Variants in CYP2B6 observed in about 807,000 individuals in gnomAD.
CYP2B6 encodes the protein cytochrome P450 family 2 subfamily B member 6, also known as cytochrome P450 2B6.
A neutral mutation model predicts 43.4 loss-of-function variants in CYP2B6; 35 were observed. The observed-to-expected ratio is 0.81, with a 90% CI of 0.62 to 1.07. CYP2B6 has a LOEUF of 1.07. CYP2B6 is among the 50% of genes least tolerant of loss of function. The probability of loss-of-function intolerance (pLI) is 0.00; values close to 1 mark genes in which losing one functional copy is unlikely to be tolerated. For missense variants in CYP2B6, 624 were observed against 632.8 expected (o/e 0.99, Z 0.15); for synonymous variants, 239 against 239.2 (o/e 1.00, Z 0.01).
intron 1 of CYP2B6, among the ~76,000 whole-genome samples, chr19:41,002,892 T>C (rs920660381): frequency 4.6e-5 from 7 of 152,118 alleles, no homozygotes; most frequent in Admixed American, 4.6e-4. Flanking sequence ...CATTGACTCT[T>C]TTGTGCCTAG....
At chr19:41,010,166 T>C (rs1969258694) in intron 6 of CYP2B6, 31 bp downstream of exon 6, 1 of 1,611,274 alleles carries the variant, frequency 6.2e-7, no homozygotes, top group Non-Finnish European at 8.5e-7. Flanking sequence ...CAAGGGGGTC[T>C]TCTGACCTCC....
rs374007467 is a variant in CYP2B6 at position 40,998,643 on chromosome 19, A to T, written c.172-5358A>T. On this transcript the variant is annotated intron_variant, in intron 1 of 8. Transcript: ENST00000324071. ...CTGTGTCCATGTGATCTCATTGTTC[A>T]ATTCCCACCTATGAGTGAGAATATG... is the stretch of plus-strand genomic sequence containing the variant. Among the ~76,000 whole-genome samples the T allele has an allele frequency of 1.0e-3, 145 of 138,484 alleles. 2 individuals carry two copies. The East Asian group carries it at 0.021, about 20-fold the overall frequency. The allele number at this position is 138,484 out of a possible 152,430, so 90.9% of individuals were successfully genotyped here. A position where few individuals can be genotyped will look rare whatever the true frequency, so the allele number is the denominator to read the frequency against.
At position 41,017,523 on chromosome 19, in the gene CYP2B6, T is replaced by C. The variant is rs1269479524; in HGVS notation, c.*696T>C. ...CTCACTCTGTCACCCAGGTTCGAGT[T>C]CAGTGGTGCCATCTCTGTCCACTGC... On this transcript the variant is annotated 3_prime_UTR_variant, in exon 9 of 9. Transcript: ENST00000324071. 6.6e-6 allele frequency: 1 copy of C among 151,376 alleles called. No homozygotes were observed. The highest frequency in any genetic ancestry group is 1.5e-5 in the Non-Finnish European group (1 of 67,780). 9.4% of individuals were successfully genotyped at this position (151,376 alleles called of 1,614,324 possible). A position where few individuals can be genotyped will look rare whatever the true frequency, so the allele number is the denominator to read the frequency against.
chr19:41,002,741 T>G (rs1282472629), intron 1 of CYP2B6, among the ~76,000 whole-genome samples: 197 of 151,912 alleles, frequency 1.3e-3, no homozygotes, highest in African/African-American at 4.6e-3. Flanking sequence ...TAGAGATGGG[T>G]TTTCACCATG....
At chr19:40,998,496 A>G (rs1179949967) in intron 1 of CYP2B6, among the ~76,000 whole-genome samples, 1 of 150,914 alleles carries the variant, frequency 6.6e-6, no homozygotes, top group Non-Finnish European at 1.5e-5. Flanking sequence ...ATACGTATAC[A>G]TGTGCCATGC....
intron 8 of CYP2B6, among the ~76,000 whole-genome samples, chr19:41,016,399 C>CAAAAAAAAAAAAAAA (rs869180190): frequency 2.6e-5 from 2 of 76,856 alleles, no homozygotes; most frequent in African/African-American, 4.2e-5. Flanking sequence ...GACTCCATCT[C>CAAAAAAAAAAAAAAA]AAAAAAAAAA....
chr19:40,998,859 A>T (rs1427251756), intron 1 of CYP2B6, among the ~76,000 whole-genome samples: 1 of 97,954 alleles, frequency 1.0e-5, no homozygotes, highest in Non-Finnish European at 2.0e-5. Flanking sequence ...AGTCTTTGCT[A>T]TTGTGAATAA....
intron 1 of CYP2B6, among the ~76,000 whole-genome samples, chr19:40,994,609 G>A (rs1254164025): frequency 6.6e-6 from 1 of 151,980 alleles, no homozygotes; most frequent in Admixed American, 6.6e-5. Context: ...TTACAAGCAT[G>A]AGCCACCATG....
Position 41,016,927 on chromosome 19 carries a change from G to T in CYP2B6, c.*100G>T. 7.7e-7 allele frequency: 1 copy of T among 1,306,286 alleles called. No individual in the cohort carries two copies. 80.9% of individuals were successfully genotyped at this position (1,306,286 alleles called of 1,614,324 possible). ...TCCCCGCAACTTCCTGCCTCTGAGA[G>T]ACCTGCTACAAGCCAGCTTCCTTCC... is the stretch of plus-strand genomic sequence containing the variant. On this transcript the variant is annotated 3_prime_UTR_variant, in exon 9 of 9. Coordinates refer to ENST00000324071, the MANE Select transcript of CYP2B6 (RefSeq NM_000767.5).
chr19:41,007,269 C>T (rs1312496653), intron 4 of CYP2B6: 23 of 584,488 alleles, frequency 3.9e-5, no homozygotes, highest in Middle Eastern at 2.6e-4. Flanking sequence ...GAGAATGAGG[C>T]GTGATGGGGA....
rs12721649 is a variant in CYP2B6, at chr19:41,009,932, G to A, written c.823-62G>A. 17,042 of 1,605,752 alleles carry A rather than the reference G, an allele frequency of 0.011. 1,298 individuals are homozygous for A. In the African/African-American group the frequency reaches 0.18, roughly 17 times the overall value. Reference sequence around the variant, plus strand: ...ACGGAGGGCAGCCAGGGAGATGGGCGTATACACAGCAAGGCTACAGCCTCC... The same window carrying A: ...ACGGAGGGCAGCCAGGGAGATGGGCATATACACAGCAAGGCTACAGCCTCC... On this transcript the variant is annotated intron_variant, in intron 5 of 8. Transcript: ENST00000324071.
At position 41,007,099 on chromosome 19, in the gene CYP2B6, G is replaced by A. The variant is rs28399491; in HGVS notation, c.645+34G>A. Reference sequence around the variant, plus strand: ...GACGGAGAGGGACAGGGGGTGTGGGGGTGAGGTGAACACCCAGAACACACG... The same window carrying A: ...GACGGAGAGGGACAGGGGGTGTGGGAGTGAGGTGAACACCCAGAACACACG... On this transcript the variant is annotated intron_variant, in intron 4 of 8. Transcript: ENST00000324071. The A allele has an allele frequency of 6.1e-4, 981 of 1,608,806 alleles. 10 individuals are homozygous for A. In the East Asian group the frequency reaches 0.018, roughly 29 times the overall value.
intron 3 of CYP2B6, among the ~76,000 whole-genome samples, chr19:41,004,792 C>T (rs563276630): frequency 1.3e-5 from 2 of 152,064 alleles, no homozygotes; most frequent in Admixed American, 6.5e-5. Context: ...AGTTGGAGAA[C>T]AGCCTGGGCA....
chr19:41,004,227 G>A, intron 2 of CYP2B6, 64 bp downstream of exon 2: 1 of 1,612,828 alleles, frequency 6.2e-7, no homozygotes. Context: ...GGAGTATATG[G>A]GAGGAAGAAG....
intron 8 of CYP2B6, among the ~76,000 whole-genome samples, chr19:41,015,865 A>G (rs547929902): frequency 1.4e-3 from 206 of 151,496 alleles, no homozygotes; most frequent in African/African-American, 4.8e-3. Flanking sequence ...GCCAAGTGCT[A>G]TTCTAAGAAT....
rs8192709 is a variant in CYP2B6, at chr19:40,991,369, C to T, written c.64C>T (p.Arg22Cys). Residue 22 changes from arginine to cysteine, a missense_variant, in exon 1 of 9, where the codon CGC becomes TGC. Coordinates refer to ENST00000324071, the MANE Select transcript of CYP2B6 (RefSeq NM_000767.5). Reference protein sequence around the residue: ...LTGLLLLLVQRHPNTHDRLPP... With the variant: ...LTGLLLLLVQCHPNTHDRLPP... ...AGGACTCTTGCTACTCCTGGTTCAG[C>T]GCCACCCTAACACCCATGACCGCCT... The T allele has an allele frequency of 0.048, 77,277 of 1,613,998 alleles. 2,035 individuals carry two copies. Among genetic ancestry groups the T allele is most frequent in the Middle Eastern group, 0.1 (609 of 6,060 alleles).
intron 1 of CYP2B6, among the ~76,000 whole-genome samples, chr19:40,996,957 G>A (rs1383295723): frequency 6.6e-6 from 1 of 152,074 alleles, no homozygotes; most frequent in Non-Finnish European, 1.5e-5. Flanking sequence ...ACTGCACGGG[G>A]GCACTGTCCT....
intron 8 of CYP2B6, among the ~76,000 whole-genome samples, chr19:41,014,959 C>A (rs1383812238): frequency 5.3e-5 from 8 of 150,984 alleles, no homozygotes; most frequent in African/African-American, 1.9e-4. Flanking sequence ...AAAGAATGAA[C>A]AAGACAAATA....
At chr19:40,992,710 G>A (rs2144655341) in intron 1 of CYP2B6, among the ~76,000 whole-genome samples, 1 of 152,118 alleles carries the variant, frequency 6.6e-6, no homozygotes, top group East Asian at 1.9e-4. Flanking sequence ...TGTAGAGACA[G>A]GGTTTTGCCA....
Sources: allele counts gnomAD v4.1 joint callset (sites outside exome capture counted in the v4.1 genomes callset), GRCh38; gene constraint gnomAD v4.1.1; transcripts MANE v1.5; gene names NCBI Gene and HGNC (gene_info 2026-07-23, HGNC 2026-07-21).